The following SAXO1 variants were observed in gnomAD, a reference collection of about 807,000 sequenced individuals.
The protein encoded by SAXO1 is stabilizer of axonemal microtubules 1, also known as 4930500O09Rik.
SAXO1 carries 21 observed loss-of-function variants against 17.5 expected under a neutral mutation model. The observed-to-expected ratio is 1.20, with a 90% confidence interval of 0.85 to 1.72. The LOEUF (loss-of-function observed/expected upper bound fraction) is 1.72, where lower values mean the gene tolerates loss of function less well. Among genes scored for constraint, SAXO1 ranks in the 40% most tolerant of loss-of-function variants. SAXO1 has a pLI of 0.00. For synonymous variants in SAXO1, 274 were observed against 216.5 expected, an observed-to-expected ratio of 1.27 and a Z score of -2.33; for missense variants, 843 against 596.0, an observed-to-expected ratio of 1.41 and a Z score of -4.32.
intron 2 of SAXO1, among the ~76,000 whole-genome samples, chr9:18,942,210 T>A (rs113134374): frequency 6.6e-6 from 1 of 152,212 alleles, no homozygotes; most frequent in African/African-American, 2.4e-5. Context: ...TCAATCACCA[T>A]AATGTGGCCA....
intron 1 of SAXO1, among the ~76,000 whole-genome samples, chr9:18,968,702 T>C (rs962777263): frequency 3.9e-5 from 6 of 152,036 alleles, no homozygotes; most frequent in African/African-American, 1.5e-4. Flanking sequence ...CAAGTGATTC[T>C]CCTGCCTCAG....
intron 1 of SAXO1, among the ~76,000 whole-genome samples, chr9:18,984,792 T>G (rs898786713): frequency 1.5e-4 from 23 of 152,174 alleles, no homozygotes; most frequent in Admixed American, 4.6e-4. Context: ...TTCACTGGAG[T>G]AGCACTTTGA....
At chr9:19,021,680 G>A (rs112363981) in intron 1 of SAXO1, among the ~76,000 whole-genome samples, 1 of 152,222 alleles carries the variant, frequency 6.6e-6, no homozygotes, top group Admixed American at 6.5e-5. Context: ...ATAGTGAGAG[G>A]TGAAGCCAGC....
intron 1 of SAXO1, among the ~76,000 whole-genome samples, chr9:18,951,708 T>C (rs1439524683): frequency 6.6e-6 from 1 of 152,220 alleles, no homozygotes; most frequent in East Asian, 1.9e-4. Context: ...GTGACTGGCA[T>C]GTCTGTTGGC....
At chr9:19,040,643 C>T (rs1216018657) in intron 1 of SAXO1, among the ~76,000 whole-genome samples, 1 of 150,718 alleles carries the variant, frequency 6.6e-6, no homozygotes, top group African/African-American at 2.4e-5. Context: ...GATTCTTTCT[C>T]CAAAAAAAGA....
At chr9:18,980,384 G>A (rs1034579872) in intron 1 of SAXO1, among the ~76,000 whole-genome samples, 4 of 152,076 alleles carry the variant, frequency 2.6e-5, no homozygotes, top group Admixed American at 2.6e-4. Context: ...TAGTTTGAAA[G>A]GAAGCTTCAG....
chr9:18,946,929 G>A (rs1184676157), intron 2 of SAXO1, among the ~76,000 whole-genome samples: 2 of 152,164 alleles, frequency 1.3e-5, no homozygotes, highest in East Asian at 3.8e-4. Flanking sequence ...TTGAAACTAG[G>A]TTAATAGAAA....
At chr9:18,944,149 T>A (rs1331138154) in intron 2 of SAXO1, among the ~76,000 whole-genome samples, 2 of 151,848 alleles carry the variant, frequency 1.3e-5, no homozygotes, top group Admixed American at 1.3e-4. Context: ...TTTGTAAGTG[T>A]TCCTCTATGG....
intron 1 of SAXO1, among the ~76,000 whole-genome samples, chr9:19,023,417 A>G (rs913174038): frequency 2.6e-5 from 4 of 152,108 alleles, no homozygotes; most frequent in Admixed American, 6.5e-5. Context: ...AATCCTCTCA[A>G]TAACTCTGTT....
chr9:18,971,682 A>T (rs1050510240), intron 1 of SAXO1, among the ~76,000 whole-genome samples: 6 of 152,122 alleles, frequency 3.9e-5, no homozygotes. Flanking sequence ...ACTTCCCTAT[A>T]CTGTGTGTTC....
intron 1 of SAXO1, among the ~76,000 whole-genome samples, chr9:18,952,006 T>A (rs537072021): frequency 1.3e-5 from 2 of 152,362 alleles, no homozygotes; most frequent in East Asian, 3.9e-4. Context: ...AAATAGTATT[T>A]AGCAGTTAAA....
chr9:18,928,569 A>G lies in SAXO1; in HGVS notation c.908T>C (p.Leu303Pro), dbSNP rs553494214. ...GTAATGGGCCTGCACTGTTGTCAGA[A>G]GATCCATCCTGTCTTCGGGAGGGAC... ...TYVPPEDRMD[L>P]LTTVQAHYTC... The change falls in exon 4 of 4, where the codon CTT becomes CCT. Residue 303 changes from leucine (L) to proline (P), a missense_variant. By Grantham distance (98) the Leu-to-Pro change is moderately conservative (BLOSUM62 -3). Transcript: ENST00000380534. 2 of 1,614,154 alleles carry G rather than the reference A, an allele frequency of 1.2e-6. No homozygotes were observed. The highest frequency in any genetic ancestry group is 3.3e-5 in the Admixed American group (2 of 60,022).
intron 1 of SAXO1, among the ~76,000 whole-genome samples, chr9:18,965,834 T>C (rs1008808860): frequency 1.3e-5 from 2 of 152,236 alleles, no homozygotes; most frequent in African/African-American, 4.8e-5. Context: ...AGTTTCTTCA[T>C]AGTGTCATTG....
intron 1 of SAXO1, among the ~76,000 whole-genome samples, chr9:19,047,552 T>C (rs1229126835): frequency 6.6e-6 from 1 of 151,110 alleles, no homozygotes; most frequent in Non-Finnish European, 1.5e-5. Flanking sequence ...AAATTTGGGC[T>C]CAACAATGCC....
Position 19,032,888 on chromosome 9 carries a change from A to G in SAXO1, c.21T>C (p.Cys7=), listed in dbSNP as rs1258561951. 1 of 1,610,736 alleles carries G rather than the reference A, an allele frequency of 6.2e-7. No individual in the cohort carries two copies. Among genetic ancestry groups the G allele is most frequent in the Non-Finnish European group, 8.5e-7 (1 of 1,179,766 alleles). MKTKCI[C]ELCSCGRHHC... ...CACCTTACCCGCAGGAGCACAGTTC[A>G]CAGATGCACTTCGTCTTCATAGGGG... The change falls in exon 1 of 4, where the codon TGT becomes TGC. Residue 7 remains cysteine (C), a synonymous_variant. Transcript: ENST00000380534.
chr9:18,991,843 G>A (rs1833828328), intron 1 of SAXO1, among the ~76,000 whole-genome samples: 2 of 152,176 alleles, frequency 1.3e-5, no homozygotes, highest in South Asian at 2.1e-4. Flanking sequence ...CCTGGTGCCA[G>A]AAAGTTGGAG....
intron 1 of SAXO1, among the ~76,000 whole-genome samples, chr9:19,010,149 A>AAAC (rs71494993): frequency 0.011 from 1,704 of 151,238 alleles, 36 homozygotes; most frequent in African/African-American, 0.039. Flanking sequence ...ATCTAAAAAA[A>AAAC]AACAACAACA....
chr9:19,046,109 A>C (rs1347479397), intron 1 of SAXO1, among the ~76,000 whole-genome samples: 4 of 149,140 alleles, frequency 2.7e-5, no homozygotes, highest in Non-Finnish European at 6.0e-5. Flanking sequence ...AAAAAGGAGA[A>C]CATAAGGAGA....
intron 1 of SAXO1, among the ~76,000 whole-genome samples, chr9:18,996,025 C>T (rs1435162058): frequency 6.6e-6 from 1 of 151,300 alleles, no homozygotes; most frequent in African/African-American, 2.4e-5. Flanking sequence ...GTTGCAGTGA[C>T]CCAAGATCAT....
Sources: allele counts gnomAD v4.1 joint callset (sites outside exome capture counted in the v4.1 genomes callset), GRCh38; gene constraint gnomAD v4.1.1; transcripts MANE v1.5; gene names NCBI Gene and HGNC (gene_info 2026-07-23, HGNC 2026-07-21).